COL5A1: variants seen among roughly 807,000 people sequenced by gnomAD.
COL5A1 encodes collagen alpha-1(V) chain.
Under a neutral mutation model 263.7 loss-of-function variants are expected in COL5A1, and 16 were observed. That is an observed-to-expected ratio of 0.06 (90% CI 0.04 to 0.09). The LOEUF (loss-of-function observed/expected upper bound fraction) is 0.09. Ranked by LOEUF, COL5A1 falls within the 10% of genes least tolerant of loss-of-function variation. COL5A1 has a pLI of 1.00. For synonymous variants in COL5A1, 1,012 were observed against 1,004.5 expected (o/e 1.01, Z -0.14); for missense variants, 2,036 against 2,540.5 (o/e 0.80, Z 4.27).
At position 134,835,150 on chromosome 9, in the gene COL5A1, G is replaced by C; in HGVS notation, c.5316G>C (p.Glu1772Asp). ...KALRFLGSND[E>D]EMSYDNNPYI... ...TCCGCTTCCTGGGCTCCAACGACGA[G>C]GAGATGTCCTATGACAACAACCCCT... is the stretch of plus-strand genomic sequence containing the variant. The change falls in exon 65 of 66, where the codon GAG becomes GAC. Residue 1772 changes from glutamate (E) to aspartate (D), a missense_variant. Around this residue, in one of 3 missense-constraint regions of COL5A1, gnomAD observed 358 missense variants for 384.6 expected, o/e 0.93. Transcript: ENST00000371817. The C allele has an allele frequency of 6.2e-7, 1 of 1,613,846 alleles. No individual in the cohort carries two copies. Among genetic ancestry groups the C allele is most frequent in the Non-Finnish European group, 8.5e-7 (1 of 1,180,022 alleles).
Position 134,821,946 on chromosome 9 carries a change from GA to G in COL5A1, c.4555-148del. 1 of 745,108 alleles carries G rather than the reference GA, an allele frequency of 1.3e-6. No individual in the cohort carries two copies. The highest frequency in any genetic ancestry group is 3.6e-4 in the Middle Eastern group (1 of 2,760). 46.2% of individuals were successfully genotyped at this position (745,108 alleles called of 1,614,324 possible). Reference sequence around the variant, plus strand: ...CCCTGACATGCACAGCCCAGGATCAGAAAGCAGCCACAGGAGGCTGCTGAGG... The same window carrying G: ...CCCTGACATGCACAGCCCAGGATCAGAAGCAGCCACAGGAGGCTGCTGAGG... On this transcript the variant is annotated intron_variant, in intron 58 of 65. Transcript: ENST00000371817. The surrounding 1 kb of genome is among the most constrained non-coding windows in gnomAD (Gnocchi z 4.2).
intron 61 of COL5A1, 51 bp downstream of exon 61, chr9:134,823,520 C>G (rs759133611): frequency 6.3e-7 from 1 of 1,587,892 alleles, no homozygotes; most frequent in Non-Finnish European, 8.6e-7. Flanking sequence ...TGGCTAGCTC[C>G]GAGGGAATTG....
chr9:134,695,533 G>C (rs536300041), intron 2 of COL5A1, among the ~76,000 whole-genome samples: 2 of 152,210 alleles, frequency 1.3e-5, no homozygotes. Context: ...AGCGGTGGGA[G>C]GGTAGTGTCC....
In COL5A1 at chr9:134,835,165, C is replaced by T. The variant is rs539490365; in HGVS notation, c.5331C>T (p.Asp1777=). The T allele has an allele frequency of 6.2e-7, 1 of 1,613,828 alleles. No individual in the cohort carries two copies. Among genetic ancestry groups the T allele is most frequent in the African/African-American group, 1.3e-5 (1 of 75,078 alleles). ...LGSNDEEMSY[D]NNPYIRALVD... is the part of the protein sequence containing the mutation. ...CCAACGACGAGGAGATGTCCTATGA[C>T]AACAACCCCTACATCCGCGCCCTGG... Residue 1777 remains aspartate (D), a synonymous_variant, in exon 65 of 66, where the codon GAC becomes GAT. Transcript: ENST00000371817.
Position 134,735,228 on chromosome 9 carries a change from G to A in COL5A1, c.1389+3101G>A, listed in dbSNP as rs573392911. Among the ~76,000 whole-genome samples, 31 of 149,832 alleles carry A rather than the reference G, an allele frequency of 2.1e-4. No individual in the cohort carries two copies. The South Asian group carries it at 6.3e-3, about 31-fold the overall frequency. ...CCATCTCAAAAAAAAAAAAAAAATT[G>A]TGTGCATTGAAGGTGTGCAGCATGT... On this transcript the variant is annotated intron_variant, in intron 9 of 65. Transcript: ENST00000371817.
At position 134,669,289 on chromosome 9, in the gene COL5A1, TCCCTC is replaced by T. The variant is rs1235517824; in HGVS notation, c.110-21603_110-21599del. Among the ~76,000 whole-genome samples, 234 of 66,288 alleles carry T rather than the reference TCCCTC, an allele frequency of 3.5e-3. 2 individuals carry two copies. The highest frequency in any genetic ancestry group is 0.016 in the African/African-American group (207 of 12,602). The allele number at this position is 66,288 out of a possible 152,430, so 43.5% of individuals were successfully genotyped here. On this transcript the variant is annotated intron_variant, in intron 1 of 65. Coordinates refer to ENST00000371817, the MANE Select transcript of COL5A1 (RefSeq NM_000093.5). ...TCCCTTCCCTTCCCTTCCCTTCCCT[TCCCTC>T]CCCTCCCCTCCCCTCCCCTTCCCTT...
intron 48 of COL5A1, among the ~76,000 whole-genome samples, 186 bp from the exon 49 acceptor site, chr9:134,813,797 C>T (rs1235438852): frequency 1.3e-5 from 2 of 152,258 alleles, no homozygotes; most frequent in Non-Finnish European, 2.9e-5. Flanking sequence ...CATCACGTGC[C>T]TGCCACATTC....
At chr9:134,788,659 G>A (rs1837558976) in intron 31 of COL5A1, among the ~76,000 whole-genome samples, 1 of 151,132 alleles carries the variant, frequency 6.6e-6, no homozygotes, top group Admixed American at 6.6e-5. Flanking sequence ...ACAGATAGAT[G>A]GATAGACAGA....
At chr9:134,822,535 C>G (rs1167188115) in intron 59 of COL5A1, among the ~76,000 whole-genome samples, 1 of 152,086 alleles carries the variant, frequency 6.6e-6, no homozygotes, top group Admixed American at 6.5e-5. Context: ...GGCACCGCTG[C>G]CTGGGTCTCA....
chr9:134,731,669 A>T lies in COL5A1; in HGVS notation c.1332+6A>T. On this transcript the variant is annotated splice_donor_region_variant and intron_variant, in intron 8 of 65. Coordinates refer to ENST00000371817, the MANE Select transcript of COL5A1 (RefSeq NM_000093.5). ...AGGATACCATCTATGAAGGGGTGAGAGGGTGCAGGCCCCCGTTCCGGGTGG... is the reference window on the plus strand; with the variant it reads ...AGGATACCATCTATGAAGGGGTGAGTGGGTGCAGGCCCCCGTTCCGGGTGG... The T allele has an allele frequency of 1.2e-6, 2 of 1,610,336 alleles. No individual in the cohort carries two copies. Among genetic ancestry groups the T allele is most frequent in the Non-Finnish European group, 1.7e-6 (2 of 1,177,982 alleles).
At position 134,805,193 on chromosome 9, in the gene COL5A1, C is replaced by G; in HGVS notation, c.3237C>G (p.Pro1079=). 6.2e-7 allele frequency: 1 copy of G among 1,613,980 alleles called. No homozygotes were observed. The highest frequency in any genetic ancestry group is 8.5e-7 in the Non-Finnish European group (1 of 1,180,024). Residue 1079 remains proline, a synonymous_variant, in exon 41 of 66, where the codon CCC becomes CCG. Coordinates refer to ENST00000371817, the MANE Select transcript of COL5A1 (RefSeq NM_000093.5). ...TTGGACTGAAAGGCAATGAAGGGCC[C>G]CCTGGCCCACCAGGCCCTGCGGTGA... ...GALGLKGNEG[P]PGPPGPAGSP... is the part of the protein sequence containing the mutation.
At chr9:134,656,413 CGA>C (rs1294764737) in intron 1 of COL5A1, among the ~76,000 whole-genome samples, 1 of 152,148 alleles carries the variant, frequency 6.6e-6, no homozygotes, top group Non-Finnish European at 1.5e-5. Flanking sequence ...CTTCGGAGGC[CGA>C]GAGAGCAGGT....
chr9:134,710,667 C>T (rs1175147462), intron 4 of COL5A1, among the ~76,000 whole-genome samples: 3 of 94,654 alleles, frequency 3.2e-5, no homozygotes, highest in Admixed American at 1.4e-4. Context: ...GAGCCCCCGT[C>T]TGTTGGGTGC....
intron 27 of COL5A1, among the ~76,000 whole-genome samples, chr9:134,779,506 G>A (rs1335142030): frequency 6.6e-6 from 1 of 152,208 alleles, no homozygotes; most frequent in Non-Finnish European, 1.5e-5. Context: ...TGAAATACAT[G>A]GCACTGGGCT....
Position 134,650,492 on chromosome 9 carries a change from C to T in COL5A1, c.109+8196C>T, listed in dbSNP as rs1456898889. Among the ~76,000 whole-genome samples, 9 of 152,222 alleles carry T rather than the reference C, an allele frequency of 5.9e-5. No individual in the cohort carries two copies. The East Asian group carries it at 9.6e-4, about 16-fold the overall frequency. On this transcript the variant is annotated intron_variant, in intron 1 of 65. Coordinates refer to ENST00000371817, the MANE Select transcript of COL5A1 (RefSeq NM_000093.5). The stretch of plus-strand genomic sequence containing the variant: ...GACCTGTGCGGGGGGCACAGGTGAG[C>T]GATAGGCGAGCCGTCTGTGCCCTAC...
intron 28 of COL5A1, among the ~76,000 whole-genome samples, chr9:134,781,847 A>G (rs531681609): frequency 5.8e-4 from 88 of 152,300 alleles, no homozygotes; most frequent in Middle Eastern, 3.4e-3. Context: ...ACTGCACAGA[A>G]AGCTGCCTCC....
intron 1 of COL5A1, among the ~76,000 whole-genome samples, chr9:134,671,141 C>T (rs1035786723): frequency 6.6e-6 from 1 of 152,228 alleles, no homozygotes; most frequent in Non-Finnish European, 1.5e-5. Context: ...GCCCCACACA[C>T]TTGTGCTTCA....
chr9:134,712,053 C>CTGGTCCCCTTCTTCA (rs1834066878), intron 4 of COL5A1, among the ~76,000 whole-genome samples: 1 of 126,268 alleles, frequency 7.9e-6, no homozygotes. Context: ...CCCCTTCTTC[C>CTGGTCCCCTTCTTCA]TTCCTCCCTC....
At chr9:134,657,980 C>T (rs950080512) in intron 1 of COL5A1, among the ~76,000 whole-genome samples, 2 of 151,872 alleles carry the variant, frequency 1.3e-5, no homozygotes, top group South Asian at 2.1e-4. Flanking sequence ...GCTTCACTGA[C>T]GAGGGATGGG....
Sources: gnomAD v4.1 joint callset for allele counts (sites outside exome capture counted in the v4.1 genomes callset) on GRCh38, gnomAD v4.1.1 for gene constraint, gnomAD v4.1.1 regional missense constraint, Gnocchi (gnomAD v3.1) non-coding constraint, MANE v1.5 for transcripts, NCBI Gene and HGNC (gene_info 2026-07-23, HGNC 2026-07-21) for gene names.